The following NUDT16L1 variants were observed in gnomAD, a reference collection of about 807,000 sequenced individuals.
NUDT16L1 encodes the protein nudix hydrolase 16 like 1, also known as tudor-interacting repair regulator protein.
In NUDT16L1, 19 loss-of-function variants were observed where a neutral mutation model predicts 17.3. The observed-to-expected ratio is 1.10, with a 90% CI of 0.77 to 1.61. NUDT16L1 has a LOEUF of 1.61. Ranked by LOEUF, NUDT16L1 falls within the 40% of genes most tolerant of loss-of-function variation. The pLI, the probability that NUDT16L1 is intolerant of heterozygous loss-of-function variation, is 0.00. For synonymous variants in NUDT16L1, 255 were observed against 138.6 expected (o/e 1.84, Z -5.90); for missense variants, 341 against 292.0 (o/e 1.17, Z -1.22).
exon 2 of NUDT16L1, chr16:4,694,199 G>C: frequency 6.4e-7 from 1 of 1,558,128 alleles, no homozygotes; most frequent in Non-Finnish European, 8.6e-7. Context: ...TGCACGCCGT[G>C]GAGATCAGCG....
exon 3 of NUDT16L1, chr16:4,695,399 T>A (rs1001867592): frequency 1.0e-5 from 6 of 598,586 alleles, no homozygotes; most frequent in Non-Finnish European, 1.8e-5. Context: ...CCGGGCACAC[T>A]GGGCCTGCCT....
At chr16:4,695,823 A>G (rs957013525) in exon 3 of NUDT16L1, 9 of 374,462 alleles carry the variant, frequency 2.4e-5, no homozygotes, top group African/African-American at 1.2e-4. Flanking sequence ...AGGAGAAGAC[A>G]ATAAAGTCGC....
rs903662734 is a variant in NUDT16L1, at chr16:4,694,657, G to T, written c.415-301G>T. 2.8e-6 allele frequency: 4 copies of T among 1,420,644 alleles called. No individual in the cohort carries two copies. In the African/African-American group the frequency reaches 5.8e-5, roughly 21 times the overall value. The allele number at this position is 1,420,644 out of a possible 1,614,324, so 88.0% of individuals were successfully genotyped here. A position where few individuals can be genotyped will look rare whatever the true frequency, so the allele number is the denominator to read the frequency against. On this transcript the variant is annotated intron_variant, in intron 2 of 2. Transcript: ENST00000304301. The stretch of plus-strand genomic sequence containing the variant: ...CTTTGTGGTCTGGAAGGGCTGGACT[G>T]CGGGTGTTCAGGCTTCGTTGGGTGG...
At chr16:4,694,170 C>A in exon 2 of NUDT16L1, 1 of 1,582,294 alleles carries the variant, frequency 6.3e-7, no homozygotes, top group Non-Finnish European at 8.5e-7. Flanking sequence ...GTACGCGCGG[C>A]AGCTGACGCT....
At position 4,694,262 on chromosome 16, in the gene NUDT16L1, C is replaced by A. The variant is rs1047445917; in HGVS notation, c.414+24C>A. 3.4e-6 allele frequency: 5 copies of A among 1,457,756 alleles called. No homozygotes were observed. The African/African-American group carries it at 5.8e-5, about 17-fold the overall frequency. 90.3% of individuals were successfully genotyped at this position (1,457,756 alleles called of 1,614,324 possible). A position where few individuals can be genotyped will look rare whatever the true frequency, so the allele number is the denominator to read the frequency against. Reference sequence around the variant, plus strand: ...AGGTGGGGCCGCCGCCCGGGCCCCGCCCCCCGCCCCGGGGTTTGGCTCTGG... The same window carrying A: ...AGGTGGGGCCGCCGCCCGGGCCCCGACCCCCGCCCCGGGGTTTGGCTCTGG... On this transcript the variant is annotated intron_variant, in intron 2 of 2. Transcript: ENST00000304301.
At chr16:4,694,884 C>T in intron 2 of NUDT16L1, 74 bp from the exon 3 acceptor site, 3 of 1,524,962 alleles carry the variant, frequency 2.0e-6, no homozygotes, top group South Asian at 2.4e-5. Flanking sequence ...GGCCTCATAG[C>T]TTCCAGGCCC....
exon 3 of NUDT16L1, chr16:4,695,645 TTAA>T (rs1319796274): frequency 2.4e-5 from 10 of 412,174 alleles, no homozygotes; most frequent in Middle Eastern, 1.2e-3. Flanking sequence ...GGGTAGGAAG[TTAA>T]TAATACTGTT....
At chr16:4,693,664 A>G (rs1466176802), upstream of NUDT16L1, 1 of 1,350,284 alleles carries the variant, frequency 7.4e-7, no homozygotes, top group African/African-American at 1.5e-5. Flanking sequence ...TTGGCGAGGC[A>G]CGGCGGGGGC....
chr16:4,695,213 C>T, exon 3 of NUDT16L1: 2 of 1,596,506 alleles, frequency 1.3e-6, no homozygotes, highest in Admixed American at 1.7e-5. Context: ...CTCCCCTGGG[C>T]CGGAAGACTG....
chr16:4,693,826 G>A, exon 1 of NUDT16L1: 1 of 1,570,434 alleles, frequency 6.4e-7, no homozygotes, highest in Non-Finnish European at 8.6e-7. Flanking sequence ...CATGCTGTAC[G>A]CCGCCAACCC....
exon 3 of NUDT16L1, chr16:4,695,604 C>T (rs568760633): frequency 2.3e-6 from 1 of 431,078 alleles, no homozygotes; most frequent in Non-Finnish European, 4.1e-6. Flanking sequence ...CCTTCCTGAG[C>T]CAGTTCAGGG....
rs570150020 is a variant in NUDT16L1, at chr16:4,695,268, C to T, written c.*89C>T. On this transcript the variant is annotated 3_prime_UTR_variant, in exon 3 of 3. Coordinates refer to ENST00000304301, the Ensembl canonical transcript of NUDT16L1. ...GCTTCTAGAGTGTTTGTGTGTACCC[C>T]GCTTCTGACTGCCTAGGGCGAGTGG... 1.2e-4 allele frequency: 158 copies of T among 1,329,608 alleles called. 1 individual carries two copies. The African/African-American group carries it at 1.6e-3, about 14-fold the overall frequency. The allele number at this position is 1,329,608 out of a possible 1,614,324, so 82.4% of individuals were successfully genotyped here. A position where few individuals can be genotyped will look rare whatever the true frequency, so the allele number is the denominator to read the frequency against.
At chr16:4,693,863 T>C in exon 1 of NUDT16L1, 1 of 1,550,248 alleles carries the variant, frequency 6.5e-7, no homozygotes. Context: ...CGCATCCCCA[T>C]GCGCTTCTCG....
rs185620630 is a variant in NUDT16L1 at position 4,695,032 on chromosome 16, C to T, written c.489C>T (p.Asn163=). ...GAGGCTTCCCCAACTTCCTGAGCAA[C>T]GCCTTCGTGAGCACGGCTAAGTGCC... The change falls in exon 3 of 3, where the codon AAC becomes AAT. Residue 163 remains asparagine (N), a synonymous_variant. Coordinates refer to ENST00000304301, the Ensembl canonical transcript of NUDT16L1. The T allele has an allele frequency of 2.2e-5, 36 of 1,613,392 alleles. No individual in the cohort carries two copies. In the Middle Eastern group the frequency reaches 4.9e-4, roughly 22 times the overall value.
intron 2 of NUDT16L1, 180 bp from the exon 3 acceptor site, chr16:4,694,778 A>C: frequency 7.0e-7 from 1 of 1,419,512 alleles, no homozygotes. Flanking sequence ...CTTGGGGAGG[A>C]GGGGGCTGCA....
chr16:4,695,215 G>T, exon 3 of NUDT16L1: 1 of 1,590,428 alleles, frequency 6.3e-7, no homozygotes, highest in Non-Finnish European at 8.6e-7. Flanking sequence ...CCCCTGGGCC[G>T]GAAGACTGGG....
At chr16:4,695,660 A>G (rs771831694) in exon 3 of NUDT16L1, 9 of 406,032 alleles carry the variant, frequency 2.2e-5, no homozygotes, top group Non-Finnish European at 3.0e-5. Context: ...AATACTGTTA[A>G]TTTGGGTTGT....
chr16:4,693,912 C>T lies in NUDT16L1; in HGVS notation c.153+33C>T, dbSNP rs569618896. 8 of 1,474,496 alleles carry T rather than the reference C, an allele frequency of 5.4e-6. No homozygotes were observed. The Admixed American group carries it at 1.9e-4, about 35-fold the overall frequency. The allele number at this position is 1,474,496 out of a possible 1,614,324, so 91.3% of individuals were successfully genotyped here. A position where few individuals can be genotyped will look rare whatever the true frequency, so the allele number is the denominator to read the frequency against. On this transcript the variant is annotated intron_variant, in intron 1 of 2. Coordinates refer to ENST00000304301, the Ensembl canonical transcript of NUDT16L1. ...CGGGCGAGGGCGCGGGCGAGGGTGC[C>T]GGCGCGGGCGGGCCCGGGCGGGGGC...
rs758438876 is a variant in NUDT16L1 at position 4,693,715 on chromosome 16, G to T, written c.-12G>T. On this transcript the variant is annotated 5_prime_UTR_variant, in exon 1 of 3. Transcript: ENST00000304301. ...CTTAAGTGGCAGCGGCGGGGACGGGGTCAGTGCCAAGATGTCGACGGCGGC... is the reference window on the plus strand; with the variant it reads ...CTTAAGTGGCAGCGGCGGGGACGGGTTCAGTGCCAAGATGTCGACGGCGGC... 3.3e-6 allele frequency: 5 copies of T among 1,499,678 alleles called. No homozygotes were observed. In the East Asian group the frequency reaches 1.1e-4, roughly 34 times the overall value. 92.9% of individuals were successfully genotyped at this position (1,499,678 alleles called of 1,614,324 possible).
Sources: gnomAD v4.1 joint callset for allele counts on GRCh38, gnomAD v4.1.1 for gene constraint, MANE v1.5 for transcripts, NCBI Gene and HGNC (gene_info 2026-07-23, HGNC 2026-07-21) for gene names.